The following EPHA6 variants were observed in gnomAD, a reference collection of about 807,000 sequenced individuals.
EPHA6 encodes EPH receptor A6, also known as ephrin type-A receptor 6.
In EPHA6, 50 loss-of-function variants were observed where a neutral mutation model predicts 112.0. The ratio of observed to expected loss-of-function variants is 0.45; its 90% CI spans 0.36 to 0.56. EPHA6 has a LOEUF of 0.56. EPHA6 is among the 20% of genes least tolerant of loss of function. The pLI, the probability that EPHA6 is intolerant of heterozygous loss-of-function variation, is 0.00. For missense variants in EPHA6, 1,280 were observed against 1,417.4 expected (o/e 0.90, Z 1.56); for synonymous variants, 529 against 490.7 (o/e 1.08, Z -1.03).
At chr3:97,266,205 T>C (rs1002410786) in intron 5 of EPHA6, among the ~76,000 whole-genome samples, 5 of 152,218 alleles carry the variant, frequency 3.3e-5, no homozygotes, top group East Asian at 1.9e-4. Flanking sequence ...TAATCTTAAC[T>C]AATGTGAAAA....
rs112341295 is a variant in EPHA6 at position 97,384,289 on chromosome 3, A to G, written c.1607-20861A>G. 5.2e-3 allele frequency among the ~76,000 whole-genome samples: 790 copies of G among 152,320 alleles called. 10 individuals carry two copies. Among genetic ancestry groups the G allele is most frequent in the African/African-American group, 0.018 (759 of 41,582 alleles). On this transcript the variant is annotated intron_variant, in intron 5 of 17. Transcript: ENST00000389672. ...TTATTTCAAGTTCTTAGAAGAAGAAATGAAGGAAACAGAGAAGTTACCTAA... is the reference window on the plus strand; with the variant it reads ...TTATTTCAAGTTCTTAGAAGAAGAAGTGAAGGAAACAGAGAAGTTACCTAA...
At chr3:97,748,065 CAT>C (rs1388187228) in intron 17 of EPHA6, among the ~76,000 whole-genome samples, 1 of 151,968 alleles carries the variant, frequency 6.6e-6, no homozygotes, top group East Asian at 1.9e-4. Flanking sequence ...TAGTTTGAAT[CAT>C]ATTAAATTGC....
At chr3:96,886,683 A>T (rs2037643798) in intron 2 of EPHA6, among the ~76,000 whole-genome samples, 1 of 152,182 alleles carries the variant, frequency 6.6e-6, no homozygotes, top group Admixed American at 6.5e-5. Context: ...ATTCCATGTT[A>T]GTATTGAGAT....
intron 10 of EPHA6, among the ~76,000 whole-genome samples, chr3:97,526,028 T>A (rs1019166694): frequency 2.0e-5 from 3 of 152,168 alleles, no homozygotes; most frequent in Non-Finnish European, 4.4e-5. Context: ...GACATAAGAT[T>A]GTTTCAGGAT....
chr3:97,365,973 A>G (rs2084702391), intron 5 of EPHA6, among the ~76,000 whole-genome samples: 1 of 152,198 alleles, frequency 6.6e-6, no homozygotes, highest in Admixed American at 6.5e-5. Context: ...TAAAACTCTT[A>G]ACTGCTACAA....
At chr3:97,285,684 G>A (rs1403323293) in intron 5 of EPHA6, among the ~76,000 whole-genome samples, 2 of 151,932 alleles carry the variant, frequency 1.3e-5, no homozygotes, top group Non-Finnish European at 2.9e-5. Context: ...GTGAACATGG[G>A]GTGCAAATAT....
intron 13 of EPHA6, among the ~76,000 whole-genome samples, chr3:97,624,068 A>G (rs546007838): frequency 3.3e-5 from 5 of 151,644 alleles, no homozygotes; most frequent in Non-Finnish European, 7.4e-5. Context: ...TCTGTTAGTT[A>G]TGTTGAATCG....
intron 14 of EPHA6, among the ~76,000 whole-genome samples, chr3:97,715,127 C>T (rs2034156014): frequency 1.3e-5 from 2 of 152,186 alleles, no homozygotes; most frequent in African/African-American, 4.8e-5. Flanking sequence ...GTGTGCTTGC[C>T]TCCTTTTCTG....
At position 97,547,181 on chromosome 3, in the gene EPHA6, C is replaced by T. The variant is rs1013040883; in HGVS notation, c.2386+14638C>T. On this transcript the variant is annotated intron_variant, in intron 11 of 17. Transcript: ENST00000389672. ...TCCAGTTTTTCTGCTCTGTTGTTTT[C>T]CCATCTTTGTGGTTTTATCTACCTT... 2.0e-5 allele frequency among the ~76,000 whole-genome samples: 3 copies of T among 152,130 alleles called. No homozygotes were observed. The East Asian group carries it at 5.8e-4, about 29-fold the overall frequency.
chr3:97,080,068 G>T (rs1402491548), intron 3 of EPHA6, among the ~76,000 whole-genome samples: 1 of 152,020 alleles, frequency 6.6e-6, no homozygotes. Context: ...AGTTTATTGG[G>T]GTGGTTTGTT....
At position 97,258,716 on chromosome 3, in the gene EPHA6, C is replaced by A. The variant is rs79372610; in HGVS notation, c.1606+14429C>A. On this transcript the variant is annotated intron_variant, in intron 5 of 17. Transcript: ENST00000389672. ...AATCTGATCAACTCTGTGTTCTAGT[C>A]CCTAAACTGTTACTATCCAGCTGTG... Among the ~76,000 whole-genome samples the A allele has an allele frequency of 8.7e-4, 132 of 152,228 alleles. 3 individuals are homozygous for A. In the East Asian group the frequency reaches 0.024, roughly 28 times the overall value.
intron 5 of EPHA6, among the ~76,000 whole-genome samples, chr3:97,332,287 C>G (rs2082839852): frequency 6.6e-6 from 1 of 151,900 alleles, no homozygotes; most frequent in South Asian, 2.1e-4. Context: ...TATGACAAAC[C>G]CACAGCCAAT....
chr3:97,543,682 G>A (rs2092902325), intron 11 of EPHA6, among the ~76,000 whole-genome samples: 1 of 151,474 alleles, frequency 6.6e-6, no homozygotes, highest in African/African-American at 2.4e-5. Context: ...AAATTACCTT[G>A]GGCAGTATGG....
chr3:97,592,971 GA>G, intron 12 of EPHA6, among the ~76,000 whole-genome samples: 1 of 152,284 alleles, frequency 6.6e-6, no homozygotes, highest in East Asian at 1.9e-4. Context: ...CCTCTCCTGA[GA>G]AAATTTTTAC....
At chr3:97,479,389 C>A in intron 9 of EPHA6, 25 bp downstream of exon 9, 3 of 1,538,114 alleles carry the variant, frequency 2.0e-6, no homozygotes, top group Non-Finnish European at 2.7e-6. Context: ...GACTTTCTTT[C>A]ATTATTTTGT....
chr3:97,010,654 T>TTTTA (rs1021289539), intron 3 of EPHA6, among the ~76,000 whole-genome samples: 3 of 151,956 alleles, frequency 2.0e-5, no homozygotes, highest in South Asian at 2.1e-4. Flanking sequence ...AAAAAATTAT[T>TTTTA]TTTATTTATT....
chr3:97,143,823 T>C (rs564151486), intron 3 of EPHA6, among the ~76,000 whole-genome samples: 2 of 151,756 alleles, frequency 1.3e-5, no homozygotes, highest in East Asian at 1.9e-4. Flanking sequence ...ATAATGGTCT[T>C]TTAGGAGGAA....
At chr3:96,859,003 C>A (rs904611852) in intron 1 of EPHA6, among the ~76,000 whole-genome samples, 1 of 152,042 alleles carries the variant, frequency 6.6e-6, no homozygotes, top group Non-Finnish European at 1.5e-5. Flanking sequence ...AGTACAGTAG[C>A]CGTTTAAATT....
chr3:97,729,978 GCCC>G (rs1220831773), intron 15 of EPHA6, among the ~76,000 whole-genome samples: 54 of 152,122 alleles, frequency 3.5e-4, no homozygotes, highest in African/African-American at 1.2e-3. Context: ...GTACATTTCA[GCCC>G]TTGTTAAATT....
Sources: gnomAD v4.1 joint callset for allele counts (sites outside exome capture counted in the v4.1 genomes callset) on GRCh38, gnomAD v4.1.1 for gene constraint, MANE v1.5 for transcripts, NCBI Gene and HGNC (gene_info 2026-07-23, HGNC 2026-07-21) for gene names.